Variants in SPTB observed in about 807,000 individuals in gnomAD.
The protein encoded by SPTB is spectrin beta chain, erythrocytic.
In SPTB, 45 loss-of-function variants were observed where a neutral mutation model predicts 256.2. That is an observed-to-expected ratio of 0.18 (90% CI 0.14 to 0.23). The LOEUF (loss-of-function observed/expected upper bound fraction) is 0.23. SPTB is among the 10% of genes least tolerant of loss of function. SPTB has a pLI of 1.00. For missense variants in SPTB, 2,715 were observed against 3,040.4 expected, an observed-to-expected ratio of 0.89 and a Z score of 2.52; for synonymous variants, 1,231 against 1,243.1, an observed-to-expected ratio of 0.99 and a Z score of 0.21.
chr14:64,754,219 C>T (rs2081991522), intron 32 of SPTB: 1 of 321,714 alleles, frequency 3.1e-6, no homozygotes, highest in Non-Finnish European at 6.1e-6. Context: ...GCTGCTAAGA[C>T]AAGTTCGGCA....
At position 64,773,341 on chromosome 14, in the gene SPTB, A is replaced by AGCTTGC. The variant is rs773197897; in HGVS notation, c.5051_5056dup (p.Arg1684_Lys1685dup). On this transcript the variant is annotated inframe_insertion, in exon 25 of 36. Transcript: ENST00000644917. ...CTGGAACAGGTGGTACATGTTCTCCAGCTTGCGCTTGCGCTCTTCCGCCAC... is the reference window on the plus strand; with the variant it reads ...CTGGAACAGGTGGTACATGTTCTCCAGCTTGCGCTTGCGCTTGCGCTCTTCCGCCAC... The AGCTTGC allele has an allele frequency of 6.2e-7, 1 of 1,614,080 alleles. No homozygotes were observed. Among genetic ancestry groups the AGCTTGC allele is most frequent in the Non-Finnish European group, 8.5e-7 (1 of 1,180,008 alleles).
At chr14:64,757,739 C>T (rs2082035796) in intron 32 of SPTB, among the ~76,000 whole-genome samples, 2 of 152,132 alleles carry the variant, frequency 1.3e-5, no homozygotes, top group Non-Finnish European at 2.9e-5. Flanking sequence ...CTTTCTTCCC[C>T]TCCTCAGCTC....
At chr14:64,781,292 G>A (rs557282367) in intron 20 of SPTB, among the ~76,000 whole-genome samples, 7 of 152,096 alleles carry the variant, frequency 4.6e-5, no homozygotes, top group Admixed American at 4.6e-4. Context: ...CAGACAGCCT[G>A]CAAAATGAGA....
chr14:64,834,801 T>A (rs1044227693), intron 1 of SPTB, among the ~76,000 whole-genome samples: 1 of 152,078 alleles, frequency 6.6e-6, no homozygotes, highest in African/African-American at 2.4e-5. Flanking sequence ...CCCAAAAAAA[T>A]TGATAAAAGC....
rs139838497 is a variant in SPTB at position 64,859,694 on chromosome 14, GTCTCTCTCTCTC to G, written c.-52+20086_-52+20097del. On this transcript the variant is annotated intron_variant, in intron 1 of 35. Transcript: ENST00000644917. ...AGGGAGACTCTGTCTCTCTCTCTCT[GTCTCTCTCTCTC>G]TCTCTCTCTCTCTCTATATATATAT... Among the ~76,000 whole-genome samples the G allele has an allele frequency of 4.2e-3, 220 of 52,952 alleles. 1 individual carries two copies. Among genetic ancestry groups the G allele is most frequent in the African/African-American group, 0.011 (215 of 19,944 alleles). The allele number at this position is 52,952 out of a possible 152,430, so 34.7% of individuals were successfully genotyped here.
In SPTB at chr14:64,793,362, A is replaced by T. The variant is rs758224703; in HGVS notation, c.2301T>A (p.Ser767=). ...CTTCGTCCTGCCCCACATCTTCACC[A>T]GAGAGCAGCCGGTGGGCGTCTTGCA... ...AWLQDAHRLL[S]GEDVGQDEGA... Residue 767 remains serine, a synonymous_variant, in exon 14 of 36, where the codon TCT becomes TCA. Coordinates refer to ENST00000644917, the MANE Select transcript of SPTB (RefSeq NM_001355436.2). This position sits in a 1 kb window ranked among gnomAD's most constrained non-coding sequence, Gnocchi z 7.0. 7 of 1,612,286 alleles carry T rather than the reference A, an allele frequency of 4.3e-6. No individual in the cohort carries two copies. The East Asian group carries it at 1.6e-4, about 36-fold the overall frequency.
rs752072339 is a variant in SPTB at position 64,785,497 on chromosome 14, G to T, written c.3855+40C>A. On this transcript the variant is annotated intron_variant, in intron 18 of 35. Transcript: ENST00000644917. The surrounding 1 kb of genome is among the most constrained non-coding windows in gnomAD (Gnocchi z 4.4). Reference sequence around the variant, plus strand: ...TTGAGGGAACTCTGCTTCTAGAAAGGAATCTCCAGGAAAGCAGCCACTCCT... The same window carrying T: ...TTGAGGGAACTCTGCTTCTAGAAAGTAATCTCCAGGAAAGCAGCCACTCCT... 4 of 1,557,794 alleles carry T rather than the reference G, an allele frequency of 2.6e-6. No individual in the cohort carries two copies. In the Admixed American group the frequency reaches 5.5e-5, roughly 21 times the overall value.
intron 32 of SPTB, among the ~76,000 whole-genome samples, chr14:64,762,039 G>A (rs2082103461): frequency 6.6e-6 from 1 of 152,168 alleles, no homozygotes; most frequent in Non-Finnish European, 1.5e-5. Flanking sequence ...ACAGCAAGGA[G>A]AAAGGGACAT....
rs1006582019 is a variant in SPTB at position 64,785,831 on chromosome 14, C to G, written c.3682G>C (p.Val1228Leu). 3.1e-6 allele frequency: 5 copies of G among 1,614,108 alleles called. No individual in the cohort carries two copies. The highest frequency in any genetic ancestry group is 4.2e-6 in the Non-Finnish European group (5 of 1,180,018). Residue 1228 changes from valine to leucine, a missense_variant, in exon 17 of 36, where the codon GTG (valine) becomes CTG (leucine). Physicochemically the swap from Val to Leu is conservative, Grantham distance 32. This residue lies in a region of SPTB where 2,239 missense variants were observed against 2,384.4 expected (regional missense o/e 0.94). Transcript: ENST00000644917. This position sits in a 1 kb window ranked among gnomAD's most constrained non-coding sequence, Gnocchi z 4.4. ...GCTACCAGCTTGTTTCCAGAGTCCACAGGACTCAAGACCTTATCCCGGTTG... is the reference window on the plus strand; with the variant it reads ...GCTACCAGCTTGTTTCCAGAGTCCAGAGGACTCAAGACCTTATCCCGGTTG... Reference protein sequence around the residue: ...ENNRDKVLSPVDSGNKLVAEG... With the variant: ...ENNRDKVLSPLDSGNKLVAEG...
In SPTB at chr14:64,747,202, GGGGGA is replaced by G. The variant is rs2081859857; in HGVS notation, c.*2099_*2103del. 6.6e-6 allele frequency: 1 copy of G among 152,506 alleles called. No homozygotes were observed. Among genetic ancestry groups the G allele is most frequent in the African/African-American group, 2.4e-5 (1 of 41,460 alleles). 9.4% of individuals were successfully genotyped at this position (152,506 alleles called of 1,614,324 possible). ...AGGTGCTGATTTGGCACACGTGGAA[GGGGGA>G]GGGTGGGCCCTTGTCCCTAGGCTCC... On this transcript the variant is annotated 3_prime_UTR_variant, in exon 36 of 36. Coordinates refer to ENST00000644917, the MANE Select transcript of SPTB (RefSeq NM_001355436.2).
rs943288204 is a variant in SPTB at position 64,826,893 on chromosome 14, C to A, written c.-51-3748G>T. Among the ~76,000 whole-genome samples, 1 of 152,170 alleles carries A rather than the reference C, an allele frequency of 6.6e-6. No homozygotes were observed. The highest frequency in any genetic ancestry group is 1.5e-5 in the Non-Finnish European group (1 of 68,032). On this transcript the variant is annotated intron_variant, in intron 1 of 35. Transcript: ENST00000644917. This position sits in a 1 kb window ranked among gnomAD's most constrained non-coding sequence, Gnocchi z 4.4. ...GGGACCTGAGAAGGCTTGCCCACAG[C>A]TCAGCACTGAAAACCTCATGGGATC...
intron 19 of SPTB, 39 bp downstream of exon 19, chr14:64,784,208 G>C (rs80059627): frequency 6.2e-6 from 10 of 1,613,290 alleles, no homozygotes; most frequent in Middle Eastern, 1.7e-4. Context: ...AAGCCTATCT[G>C]AGCAGAGCAC....
At chr14:64,854,275 T>TTG (rs2083835376) in intron 1 of SPTB, among the ~76,000 whole-genome samples, 2 of 11,090 alleles carry the variant, frequency 1.8e-4, no homozygotes, top group Non-Finnish European at 3.1e-3. Context: ...TTCCAAACTC[T>TTG]TTTTTTTTTT....
chr14:64,785,351 GA>G lies in SPTB; in HGVS notation c.3855+185del, dbSNP rs758712966. Among the ~76,000 whole-genome samples the G allele has an allele frequency of 0.062, 8,749 of 140,804 alleles. 307 individuals carry two copies. The highest frequency in any genetic ancestry group is 0.095 in the Non-Finnish European group (6,079 of 64,286). 92.4% of individuals were successfully genotyped at this position (140,804 alleles called of 152,430 possible). A position where few individuals can be genotyped will look rare whatever the true frequency, so the allele number is the denominator to read the frequency against. On this transcript the variant is annotated intron_variant, in intron 18 of 35. Transcript: ENST00000644917. This position sits in a 1 kb window ranked among gnomAD's most constrained non-coding sequence, Gnocchi z 4.4. ...AGGTTAAGGATGACTTTTCAGATTT[GA>G]AAAAAAAAAAACAGTGCAACTGAAG...
chr14:64,775,249 G>A lies in SPTB; in HGVS notation c.4718C>T (p.Ala1573Val), dbSNP rs750432544. Residue 1573 changes from alanine (A) to valine (V), a missense_variant, in exon 23 of 36, where the codon GCG becomes GTG. By Grantham distance (64) the Ala-to-Val change is moderately conservative. This residue lies in a region of SPTB where 2,239 missense variants were observed against 2,384.4 expected (regional missense o/e 0.94). Transcript: ENST00000644917. This position sits in a 1 kb window ranked among gnomAD's most constrained non-coding sequence, Gnocchi z 5.0. ...QSSWDRLREAAAGRLQRLRDA... is the reference protein window; with the variant it reads ...QSSWDRLREAVAGRLQRLRDA... Reference sequence around the variant, plus strand: ...CCTCAGTCGCTGCAGCCTCCCGGCCGCTGCCTCCCGCAGCCTGTCCCAGGA... The same window carrying A: ...CCTCAGTCGCTGCAGCCTCCCGGCCACTGCCTCCCGCAGCCTGTCCCAGGA... The A allele has an allele frequency of 5.0e-6, 8 of 1,613,594 alleles. No homozygotes were observed. The highest frequency in any genetic ancestry group is 6.8e-6 in the Non-Finnish European group (8 of 1,180,030).
chr14:64,833,209 T>TAA (rs975546967), intron 1 of SPTB, among the ~76,000 whole-genome samples: 2 of 152,188 alleles, frequency 1.3e-5, no homozygotes, highest in African/African-American at 4.8e-5. Flanking sequence ...CTTTACAGAA[T>TAA]AACTTCTTCT....
intron 13 of SPTB, among the ~76,000 whole-genome samples, chr14:64,794,138 A>C (rs187382649): frequency 1.3e-5 from 2 of 152,352 alleles, no homozygotes. Flanking sequence ...AATTAATTAA[A>C]AAAATTTCAA....
chr14:64,830,476 C>T (rs2139724431), intron 1 of SPTB, among the ~76,000 whole-genome samples: 1 of 151,870 alleles, frequency 6.6e-6, no homozygotes, highest in South Asian at 2.1e-4. Context: ...CCTTCTGGAG[C>T]CTTTTTAAAG....
chr14:64,747,121 C>G lies in SPTB; in HGVS notation c.*2185G>C, dbSNP rs1017516873. The G allele has an allele frequency of 1.3e-5, 2 of 152,598 alleles. No homozygotes were observed. The highest frequency in any genetic ancestry group is 4.8e-5 in the African/African-American group (2 of 41,456). The allele number at this position is 152,598 out of a possible 1,614,324, so 9.5% of individuals were successfully genotyped here. A position where few individuals can be genotyped will look rare whatever the true frequency, so the allele number is the denominator to read the frequency against. ...GGGTGGTGAGATGCTAGCTCTTCCA[C>G]TAGAGCCCTTCCTTTCTCGGGTCTG... On this transcript the variant is annotated 3_prime_UTR_variant, in exon 36 of 36. Coordinates refer to ENST00000644917, the MANE Select transcript of SPTB (RefSeq NM_001355436.2).
Sources: gnomAD v4.1 joint callset for allele counts (sites outside exome capture counted in the v4.1 genomes callset) on GRCh38, gnomAD v4.1.1 for gene constraint, gnomAD v4.1.1 regional missense constraint, Gnocchi (gnomAD v3.1) non-coding constraint, MANE v1.5 for transcripts, NCBI Gene and HGNC (gene_info 2026-07-23, HGNC 2026-07-21) for gene names.